FOXJ2: variants seen among roughly 807,000 people sequenced by gnomAD.
The protein encoded by FOXJ2 is forkhead box protein J2.
FOXJ2 carries 18 observed loss-of-function variants against 68.4 expected under a neutral mutation model. The ratio of observed to expected loss-of-function variants is 0.26; its 90% CI spans 0.18 to 0.39. The LOEUF (loss-of-function observed/expected upper bound fraction) is 0.39, where lower values mean the gene tolerates loss of function less well. FOXJ2 is among the 10% of genes least tolerant of loss of function. FOXJ2 has a pLI of 1.00. For synonymous variants in FOXJ2, 274 were observed against 263.2 expected (o/e 1.04, Z -0.40); for missense variants, 670 against 726.5 (o/e 0.92, Z 0.89).
In FOXJ2 at chr12:8,049,430, C is replaced by T; in HGVS notation, c.1396C>T (p.Leu466=). ...CCTCGACCAGCATCACATTGCCAAT[C>T]TGTGTGACTCCCTCAACCACTTCCT... is the stretch of plus-strand genomic sequence containing the variant. ...WTLDQHHIAN[L]CDSLNHFLTQ... is the part of the protein sequence containing the mutation. The change falls in exon 9 of 11, where the codon CTG becomes TTG. Residue 466 remains leucine, a synonymous_variant. Transcript: ENST00000162391. The T allele has an allele frequency of 6.2e-7, 1 of 1,614,172 alleles. No individual in the cohort carries two copies. The highest frequency in any genetic ancestry group is 8.5e-7 in the Non-Finnish European group (1 of 1,180,028).
chr12:8,050,356 G>C (rs745944325), intron 9 of FOXJ2, 166 bp from the exon 10 acceptor site: 76 of 1,394,596 alleles, frequency 5.4e-5, no homozygotes, highest in Admixed American at 6.6e-5. Context: ...TCAGTGGTGA[G>C]GACTGACAGC....
At position 8,050,518 on chromosome 12, in the gene FOXJ2, G is replaced by T. The variant is rs1390574251; in HGVS notation, c.1538-4G>T. The T allele has an allele frequency of 6.2e-7, 1 of 1,612,100 alleles. No homozygotes were observed. The highest frequency in any genetic ancestry group is 1.1e-5 in the South Asian group (1 of 90,884). On this transcript the variant is annotated splice_polypyrimidine_tract_variant and splice_region_variant and intron_variant, in intron 9 of 10. Coordinates refer to ENST00000162391, the MANE Select transcript of FOXJ2 (RefSeq NM_018416.3). ...CTCAAGTAACTCTTGTCTTGCTTTGGCAGTGAACTCTTATGGGCACCCACA... is the reference window on the plus strand; with the variant it reads ...CTCAAGTAACTCTTGTCTTGCTTTGTCAGTGAACTCTTATGGGCACCCACA...
rs147519446 is a variant in FOXJ2, at chr12:8,042,294, A to G, written c.334-364A>G. 6.8e-4 allele frequency among the ~76,000 whole-genome samples: 104 copies of G among 152,338 alleles called. No homozygotes were observed. In the East Asian group the frequency reaches 0.018, roughly 26 times the overall value. On this transcript the variant is annotated intron_variant, in intron 2 of 10. Coordinates refer to ENST00000162391, the MANE Select transcript of FOXJ2 (RefSeq NM_018416.3). ...CAATTTATATAAAAAGTTTTAAAAC[A>G]TTGTTCTTTTGCTATCAGTAGGGTA...
At chr12:8,036,479 A>G (rs981165679) in intron 1 of FOXJ2, among the ~76,000 whole-genome samples, 30 of 152,078 alleles carry the variant, frequency 2.0e-4, no homozygotes, top group African/African-American at 6.0e-4. Flanking sequence ...CCCAGCTTCT[A>G]TGGGTATTTC....
rs1274456132 is a variant in FOXJ2, at chr12:8,032,729, G to GCCGAGC, written c.-1109_-1104dup. The GCCGAGC allele has an allele frequency of 9.6e-5, 38 of 394,326 alleles. No homozygotes were observed. The highest frequency in any genetic ancestry group is 3.1e-4 in the Admixed American group (7 of 22,526). 24.4% of individuals were successfully genotyped at this position (394,326 alleles called of 1,614,324 possible). A position where few individuals can be genotyped will look rare whatever the true frequency, so the allele number is the denominator to read the frequency against. On this transcript the variant is annotated 5_prime_UTR_variant, in exon 1 of 11. Coordinates refer to ENST00000162391, the MANE Select transcript of FOXJ2 (RefSeq NM_018416.3). This position sits in a 1 kb window ranked among gnomAD's most constrained non-coding sequence, Gnocchi z 4.8. ...GAGCCGGGGCCTGCAGCGGAGCCGA[G>GCCGAGC]CCGAGCCCGAGCCCGCGCCGAGCCC... is the stretch of plus-strand genomic sequence containing the variant.
In FOXJ2 at chr12:8,050,616, C is replaced by A. The variant is rs201787426; in HGVS notation, c.1632C>A (p.Arg544=). Residue 544 remains arginine (R), a synonymous_variant, in exon 10 of 11, where the codon CGC becomes CGA. Transcript: ENST00000162391. ...IPTQDSAGYN[R]PAHHMVPRPS... Reference sequence around the variant, plus strand: ...CCCAGGACTCAGCAGGATACAATCGCCCAGGTAAGAGCTAAGAAGCTTGTT... The same window carrying A: ...CCCAGGACTCAGCAGGATACAATCGACCAGGTAAGAGCTAAGAAGCTTGTT... 8.7e-6 allele frequency: 14 copies of A among 1,614,040 alleles called. No homozygotes were observed. In the Admixed American group the frequency reaches 1.8e-4, roughly 21 times the overall value.
intron 1 of FOXJ2, among the ~76,000 whole-genome samples, chr12:8,036,711 T>G (rs778683497): frequency 6.6e-6 from 1 of 152,358 alleles, no homozygotes; most frequent in African/African-American, 2.4e-5. Flanking sequence ...CTCATTAAGT[T>G]TCATTCACTT....
chr12:8,036,271 A>G (rs1349419605), intron 1 of FOXJ2, among the ~76,000 whole-genome samples: 2 of 152,206 alleles, frequency 1.3e-5, no homozygotes, highest in African/African-American at 2.4e-5. Context: ...TGACATTGGC[A>G]TTAGAACAAT....
intron 2 of FOXJ2, among the ~76,000 whole-genome samples, chr12:8,041,288 G>A (rs1347092896): frequency 6.6e-6 from 1 of 151,386 alleles, no homozygotes; most frequent in Non-Finnish European, 1.5e-5. Context: ...CATAACCTCC[G>A]CCTCCTGGGT....
In FOXJ2 at chr12:8,043,756, C is replaced by G. The variant is rs760233073; in HGVS notation, c.464C>G (p.Pro155Arg). 2 of 1,614,196 alleles carry G rather than the reference C, an allele frequency of 1.2e-6. No homozygotes were observed. The highest frequency in any genetic ancestry group is 1.6e-4 in the Middle Eastern group (1 of 6,062). ...GACATTTCCCGAAAGAGAAGACACCCTCCAGATGATGATGTAAGTTCCCAG... is the reference window on the plus strand; with the variant it reads ...GACATTTCCCGAAAGAGAAGACACCGTCCAGATGATGATGTAAGTTCCCAG... ...CPDISRKRRHPPDDDLSQDSP... is the reference protein window; with the variant it reads ...CPDISRKRRHRPDDDLSQDSP... The change falls in exon 4 of 11, where the codon CCT becomes CGT. Residue 155 changes from proline (P) to arginine (R), a missense_variant. Coordinates refer to ENST00000162391, the MANE Select transcript of FOXJ2 (RefSeq NM_018416.3).
rs1011926250 is a variant in FOXJ2, at chr12:8,049,390, G to A, written c.1356G>A (p.Glu452=). 12 of 1,613,682 alleles carry A rather than the reference G, an allele frequency of 7.4e-6. No homozygotes were observed. The highest frequency in any genetic ancestry group is 2.2e-5 in the East Asian group (1 of 44,896). Residue 452 remains glutamate, a synonymous_variant, in exon 9 of 11, where the codon GAG becomes GAA. Coordinates refer to ENST00000162391, the MANE Select transcript of FOXJ2 (RefSeq NM_018416.3). The part of the protein sequence containing the change: ...SELMESLRQA[E]QKNWTLDQHH... ...TGATGGAGAGTCTACGACAGGCAGA[G>A]CAGAAGAACTGGACCCTCGACCAGC... is the stretch of plus-strand genomic sequence containing the variant.
At chr12:8,034,333 T>A (rs1020254370) in intron 1 of FOXJ2, among the ~76,000 whole-genome samples, 2 of 152,166 alleles carry the variant, frequency 1.3e-5, no homozygotes, top group African/African-American at 4.8e-5. Context: ...CTTACTGCAA[T>A]TATAGCTCCC....
At position 8,040,219 on chromosome 12, in the gene FOXJ2, G is replaced by A. The variant is rs1946946437; in HGVS notation, c.333+54G>A. 3 of 1,542,456 alleles carry A rather than the reference G, an allele frequency of 1.9e-6. No homozygotes were observed. The highest frequency in any genetic ancestry group is 2.7e-6 in the Non-Finnish European group (3 of 1,130,816). ...GGTTTAGGCTTCAACAGCCTTTTTA[G>A]AGAAAAAGGTTTTGTTTCTTCTTGT... On this transcript the variant is annotated intron_variant, in intron 2 of 10. Transcript: ENST00000162391. The surrounding 1 kb of genome is among the most constrained non-coding windows in gnomAD (Gnocchi z 4.0).
rs1467827257 is a variant in FOXJ2 at position 8,038,663 on chromosome 12, G to A, written c.-14-1156G>A. On this transcript the variant is annotated intron_variant, in intron 1 of 10. Coordinates refer to ENST00000162391, the MANE Select transcript of FOXJ2 (RefSeq NM_018416.3). The surrounding 1 kb of genome is among the most constrained non-coding windows in gnomAD (Gnocchi z 5.3). ...CTAGGGGTTCCTGCCAGCCTTTCTA[G>A]ACCCTGCAATACAGATATCACCCAT... is the stretch of plus-strand genomic sequence containing the variant. Among the ~76,000 whole-genome samples, 9 of 152,186 alleles carry A rather than the reference G, an allele frequency of 5.9e-5. No homozygotes were observed. The highest frequency in any genetic ancestry group is 5.9e-4 in the Admixed American group (9 of 15,276).
At chr12:8,036,568 G>A (rs1267182313) in intron 1 of FOXJ2, among the ~76,000 whole-genome samples, 1 of 152,218 alleles carries the variant, frequency 6.6e-6, no homozygotes, top group African/African-American at 2.4e-5. Flanking sequence ...GGGCCCTGGA[G>A]AGAGAGGTCT....
Position 8,050,531 on chromosome 12 carries a change from A to G in FOXJ2, c.1547A>G (p.Tyr516Cys). Residue 516 changes from tyrosine (Y) to cysteine (C), a missense_variant, in exon 10 of 11, where the codon TAT becomes TGT. By Grantham distance (194) the Tyr-to-Cys change is radical. Around this residue, in one of 2 missense-constraint regions of FOXJ2, gnomAD observed 555 missense variants for 562.2 expected, o/e 0.99. Coordinates refer to ENST00000162391, the MANE Select transcript of FOXJ2 (RefSeq NM_018416.3). ...QESAMSQVNS[Y>C]GHPQAPHLYP... is the part of the protein sequence containing the mutation. ...TGTCTTGCTTTGGCAGTGAACTCTT[A>G]TGGGCACCCACAAGCTCCCCACCTC... 1.2e-6 allele frequency: 2 copies of G among 1,612,696 alleles called. No individual in the cohort carries two copies. Among genetic ancestry groups the G allele is most frequent in the Non-Finnish European group, 1.7e-6 (2 of 1,179,450 alleles).
chr12:8,050,481 C>A, intron 9 of FOXJ2, 41 bp from the exon 10 acceptor site: 1 of 1,598,264 alleles, frequency 6.3e-7, no homozygotes, highest in Non-Finnish European at 8.5e-7. Flanking sequence ...TACAGTGACC[C>A]GCCCCCCCCA....
intron 2 of FOXJ2, among the ~76,000 whole-genome samples, chr12:8,041,312 C>T (rs796083468): frequency 2.9e-4 from 44 of 152,080 alleles, no homozygotes; most frequent in African/African-American, 1.0e-3. Flanking sequence ...AGCAATCCTC[C>T]TGCCTCAGCC....
rs924783399 is a variant in FOXJ2 at position 8,044,163 on chromosome 12, A to T, written c.618+72A>T. 2.1e-6 allele frequency: 3 copies of T among 1,420,220 alleles called. No homozygotes were observed. The African/African-American group carries it at 4.3e-5, about 20-fold the overall frequency. The allele number at this position is 1,420,220 out of a possible 1,614,324, so 88.0% of individuals were successfully genotyped here. ...TTCAGATGTCTCCCTGTTTATTCAG[A>T]ATTATGTATTGAGTATCTGTGATAT... On this transcript the variant is annotated intron_variant, in intron 5 of 10. Transcript: ENST00000162391.
Sources: allele counts gnomAD v4.1 joint callset (sites outside exome capture counted in the v4.1 genomes callset), GRCh38; gene constraint gnomAD v4.1.1; regional missense constraint gnomAD v4.1.1; non-coding constraint Gnocchi (gnomAD v3.1); transcripts MANE v1.5; gene names NCBI Gene and HGNC (gene_info 2026-07-23, HGNC 2026-07-21).